Variants in MGAM2 observed in about 807,000 individuals in gnomAD.
MGAM2 encodes maltase-glucoamylase 2 (putative).
In MGAM2, 98 loss-of-function variants were observed where a neutral mutation model predicts 96.1. The observed-to-expected ratio is 1.02, with a 90% CI of 0.87 to 1.21. The LOEUF (loss-of-function observed/expected upper bound fraction) is 1.21. Ranked by LOEUF, MGAM2 falls within the 50% of genes most tolerant of loss-of-function variation. The pLI is 0.00. For synonymous variants in MGAM2, 749 were observed against 414.8 expected (o/e 1.81, Z -9.79); for missense variants, 2,055 against 1,182.4 (o/e 1.74, Z -10.82).
Position 142,199,976 on chromosome 7 carries a change from T to C in MGAM2, c.5137+8T>C. ...ATGATGGACAAAGCATTGGTGAGTA[T>C]AAACTTTCCAGGGTCCCTGTACATC... is the stretch of plus-strand genomic sequence containing the variant. On this transcript the variant is annotated splice_region_variant and intron_variant, in intron 45 of 47. Coordinates refer to ENST00000477922, the MANE Select transcript of MGAM2 (RefSeq NM_001293626.2). 1 of 662,192 alleles carries C rather than the reference T, an allele frequency of 1.5e-6. No homozygotes were observed. The highest frequency in any genetic ancestry group is 2.7e-6 in the Non-Finnish European group (1 of 364,664). 41.0% of individuals were successfully genotyped at this position (662,192 alleles called of 1,614,324 possible).
rs995222270 is a variant in MGAM2 at position 142,166,093 on chromosome 7, C to G, written c.2653-5C>G. 2 of 687,024 alleles carry G rather than the reference C, an allele frequency of 2.9e-6. No homozygotes were observed. Among genetic ancestry groups the G allele is most frequent in the African/African-American group, 3.5e-5 (2 of 56,752 alleles). 42.6% of individuals were successfully genotyped at this position (687,024 alleles called of 1,614,324 possible). The stretch of plus-strand genomic sequence containing the variant: ...CTTTGTCACTGTGACTGTCTCTTTC[C>G]CCAGGTGGTAACCATCACTGATCTC... On this transcript the variant is annotated splice_polypyrimidine_tract_variant and splice_region_variant and intron_variant, in intron 24 of 47. Coordinates refer to ENST00000477922, the MANE Select transcript of MGAM2 (RefSeq NM_001293626.2).
intron 32 of MGAM2, among the ~76,000 whole-genome samples, chr7:142,179,310 A>G (rs771383447): frequency 1.3e-4 from 19 of 151,970 alleles, no homozygotes; most frequent in Non-Finnish European, 2.5e-4. Context: ...GGAGAGAGAG[A>G]GTTTGACTTC....
Position 142,134,120 on chromosome 7 carries a change from C to T in MGAM2, c.715C>T (p.Pro239Ser). Residue 239 changes from proline (P) to serine (S), a missense_variant, in exon 7 of 48, where the codon CCC becomes TCC. By Grantham distance (74) the Pro-to-Ser change is moderately conservative (BLOSUM62 -1). Transcript: ENST00000477922. ...YRHNMTWKTW[P>S]IFTRDATPTE... ...CCACAATATGACCTGGAAGACTTGG[C>T]CCATCTTCACCCGGGACGCTACCCC... 1 of 759,378 alleles carries T rather than the reference C, an allele frequency of 1.3e-6. No homozygotes were observed. Among genetic ancestry groups the T allele is most frequent in the Admixed American group, 1.7e-5 (1 of 58,160 alleles). 47.0% of individuals were successfully genotyped at this position (759,378 alleles called of 1,614,324 possible).
intron 15 of MGAM2, among the ~76,000 whole-genome samples, chr7:142,149,747 T>A (rs1187999689): frequency 1.3e-5 from 2 of 151,828 alleles, no homozygotes; most frequent in African/African-American, 4.8e-5. Context: ...TTCACAGCGT[T>A]AGCCAGGATG....
chr7:142,154,241 T>G, intron 16 of MGAM2, 52 bp downstream of exon 16: 1 of 537,806 alleles, frequency 1.9e-6, no homozygotes, highest in South Asian at 2.8e-5. Context: ...GTTGACATTC[T>G]TTTAATTAGC....
rs1244339040 is a variant in MGAM2, at chr7:142,159,277, G to A, written c.2164-10G>A. Reference sequence around the variant, plus strand: ...TATGCTAATGCTACTCATTATTGTTGTTTACCTAGGGTGTGGACGAAGTGA... The same window carrying A: ...TATGCTAATGCTACTCATTATTGTTATTTACCTAGGGTGTGGACGAAGTGA... On this transcript the variant is annotated splice_polypyrimidine_tract_variant and intron_variant, in intron 19 of 47. Transcript: ENST00000477922. The A allele has an allele frequency of 8.5e-6, 6 of 701,998 alleles. No homozygotes were observed. Among genetic ancestry groups the A allele is most frequent in the Middle Eastern group, 2.3e-4 (1 of 4,364 alleles). 43.5% of individuals were successfully genotyped at this position (701,998 alleles called of 1,614,324 possible). A position where few individuals can be genotyped will look rare whatever the true frequency, so the allele number is the denominator to read the frequency against.
At chr7:142,178,573 G>A (rs904997041) in intron 32 of MGAM2, among the ~76,000 whole-genome samples, 1 of 152,066 alleles carries the variant, frequency 6.6e-6, no homozygotes, top group Non-Finnish European at 1.5e-5. Flanking sequence ...CTTGCATATG[G>A]TGAGCCAGTT....
rs1404615231 is a variant in MGAM2 at position 142,221,227 on chromosome 7, A to G, written c.6716A>G (p.Asn2239Ser). 1 of 701,388 alleles carries G rather than the reference A, an allele frequency of 1.4e-6. No homozygotes were observed. Among genetic ancestry groups the G allele is most frequent in the Non-Finnish European group, 2.6e-6 (1 of 384,136 alleles). The allele number at this position is 701,388 out of a possible 1,614,324, so 43.4% of individuals were successfully genotyped here. The change falls in exon 48 of 48, where the codon AAT becomes AGT. Residue 2239 changes from asparagine (N) to serine (S), a missense_variant. Physicochemically the swap from Asn to Ser is conservative, Grantham distance 46. Transcript: ENST00000477922. Reference protein sequence around the residue: ...ASTNNDASMTNFLLATMSAGN... With the variant: ...ASTNNDASMTSFLLATMSAGN... Reference sequence around the variant, plus strand: ...ACAAATAATGATGCTTCTATGACAAATTTTCTTTTAGCTACAATGTCTGCT... The same window carrying G: ...ACAAATAATGATGCTTCTATGACAAGTTTTCTTTTAGCTACAATGTCTGCT...
intron 15 of MGAM2, among the ~76,000 whole-genome samples, chr7:142,151,982 A>G (rs2129083943): frequency 6.6e-6 from 1 of 152,352 alleles, no homozygotes; most frequent in East Asian, 1.9e-4. Flanking sequence ...AAATGGAAGT[A>G]TAGTCTGGGG....
At chr7:142,123,848 G>A (rs1205044227) in intron 3 of MGAM2, among the ~76,000 whole-genome samples, 4 of 150,038 alleles carry the variant, frequency 2.7e-5, no homozygotes, top group Non-Finnish European at 4.4e-5. Flanking sequence ...TCCGAGGTCA[G>A]AAAAATATAT....
At chr7:142,128,702 T>A (rs1563249757) in intron 3 of MGAM2, among the ~76,000 whole-genome samples, 1 of 152,134 alleles carries the variant, frequency 6.6e-6, no homozygotes, top group Admixed American at 6.5e-5. Flanking sequence ...AGCCTGTGGG[T>A]GCATAGAAGT....
intron 40 of MGAM2, 37 bp downstream of exon 40, chr7:142,196,853 C>A: frequency 1.3e-6 from 1 of 747,282 alleles, no homozygotes; most frequent in Non-Finnish European, 2.5e-6. Context: ...GTTGTGTACC[C>A]TCAAATCATA....
chr7:142,158,235 A>G lies in MGAM2; in HGVS notation c.2079-13A>G, dbSNP rs1219772984. 1 of 702,808 alleles carries G rather than the reference A, an allele frequency of 1.4e-6. No individual in the cohort carries two copies. The highest frequency in any genetic ancestry group is 1.5e-5 in the South Asian group (1 of 67,584). The allele number at this position is 702,808 out of a possible 1,614,324, so 43.5% of individuals were successfully genotyped here. A position where few individuals can be genotyped will look rare whatever the true frequency, so the allele number is the denominator to read the frequency against. ...AGACTTCACCTGCCTTCACTGTGCTACCTCTTTACTAGGTTCTACCAGGAC... is the reference window on the plus strand; with the variant it reads ...AGACTTCACCTGCCTTCACTGTGCTGCCTCTTTACTAGGTTCTACCAGGAC... On this transcript the variant is annotated splice_polypyrimidine_tract_variant and intron_variant, in intron 18 of 47. Coordinates refer to ENST00000477922, the MANE Select transcript of MGAM2 (RefSeq NM_001293626.2).
At chr7:142,151,354 C>T (rs1030299244) in intron 15 of MGAM2, among the ~76,000 whole-genome samples, 3 of 152,076 alleles carry the variant, frequency 2.0e-5, no homozygotes, top group Non-Finnish European at 4.4e-5. Flanking sequence ...AGTTCTTGTC[C>T]AGAAAATGTA....
chr7:142,134,959 G>T (rs1164054858), intron 7 of MGAM2, among the ~76,000 whole-genome samples: 1 of 152,106 alleles, frequency 6.6e-6, no homozygotes, highest in Admixed American at 6.6e-5. Flanking sequence ...TTGACTTTTG[G>T]TTTTTGCACT....
intron 15 of MGAM2, among the ~76,000 whole-genome samples, chr7:142,152,910 G>A (rs1371694036): frequency 1.3e-5 from 2 of 151,984 alleles, no homozygotes; most frequent in African/African-American, 4.8e-5. Flanking sequence ...CCAACCATAG[G>A]TCACCCCACT....
intron 7 of MGAM2, among the ~76,000 whole-genome samples, chr7:142,134,405 C>T (rs925509593): frequency 2.0e-5 from 3 of 152,174 alleles, no homozygotes; most frequent in African/African-American, 4.8e-5. Context: ...ATGGGAAATA[C>T]AATTTCATGA....
chr7:142,202,644 G>T (rs749980224), intron 45 of MGAM2, among the ~76,000 whole-genome samples: 5 of 152,156 alleles, frequency 3.3e-5, no homozygotes, highest in Admixed American at 3.3e-4. Flanking sequence ...CATAGGACAT[G>T]ATTTCATTCT....
chr7:142,121,403 C>T (rs540685047), intron 3 of MGAM2, among the ~76,000 whole-genome samples: 73 of 152,298 alleles, frequency 4.8e-4, no homozygotes, highest in Admixed American at 1.7e-3. Context: ...CCTCAAACTC[C>T]TGACCCCAGG....
Sources: allele counts gnomAD v4.1 joint callset (sites outside exome capture counted in the v4.1 genomes callset), GRCh38; gene constraint gnomAD v4.1.1; transcripts MANE v1.5; gene names NCBI Gene and HGNC (gene_info 2026-07-23, HGNC 2026-07-21).